Variants in LDB2 observed in about 807,000 individuals in gnomAD.
LDB2 encodes LIM domain-binding protein 2.
In LDB2, 12 loss-of-function variants were observed where a neutral mutation model predicts 44.3. The observed-to-expected ratio is 0.27, with a 90% CI of 0.17 to 0.44. The LOEUF (loss-of-function observed/expected upper bound fraction) is 0.44, where lower values mean the gene tolerates loss of function less well. LDB2 is among the 20% of genes least tolerant of loss of function. LDB2 has a pLI of 1.00. For synonymous variants in LDB2, 164 were observed against 174.8 expected (o/e 0.94, Z 0.49); for missense variants, 344 against 473.5 (o/e 0.73, Z 2.54).
chr4:16,592,465 C>CATATAT (rs71589671), intron 3 of LDB2, among the ~76,000 whole-genome samples: 28 of 116,596 alleles, frequency 2.4e-4, no homozygotes, highest in African/African-American at 9.3e-4. Context: ...ATTATACATA[C>CATATAT]ATATATATAT....
At chr4:16,564,251 C>A (rs929808839) in intron 5 of LDB2, among the ~76,000 whole-genome samples, 2 of 152,138 alleles carry the variant, frequency 1.3e-5, no homozygotes, top group African/African-American at 4.8e-5. Context: ...AGCCTCAGTC[C>A]CCAGGAGGCT....
chr4:16,895,147 A>T (rs1724596068), intron 1 of LDB2, among the ~76,000 whole-genome samples: 1 of 150,954 alleles, frequency 6.6e-6, no homozygotes, highest in Non-Finnish European at 1.5e-5. Context: ...AGAAAATCTG[A>T]ATTTTCAATT....
intron 1 of LDB2, among the ~76,000 whole-genome samples, chr4:16,795,761 A>C (rs796731159): frequency 1.3e-5 from 2 of 152,034 alleles, no homozygotes; most frequent in Non-Finnish European, 2.9e-5. Context: ...CACCACCTTA[A>C]CCTGTAGGAC....
intron 2 of LDB2, among the ~76,000 whole-genome samples, chr4:16,697,709 T>C (rs528673305): frequency 3.9e-5 from 6 of 152,316 alleles, no homozygotes; most frequent in African/African-American, 1.4e-4. Flanking sequence ...CTCTCTGCTC[T>C]ACAGGGAGGC....
intron 2 of LDB2, among the ~76,000 whole-genome samples, chr4:16,718,363 G>T (rs1757528586): frequency 6.6e-6 from 1 of 152,030 alleles, no homozygotes; most frequent in South Asian, 2.1e-4. Context: ...TGAATATGTC[G>T]AGTCTAATGC....
At chr4:16,581,498 T>A (rs1464808684) in intron 5 of LDB2, 1 of 912,152 alleles carries the variant, frequency 1.1e-6, no homozygotes, top group Non-Finnish European at 1.3e-6. Flanking sequence ...CCTACTTTTG[T>A]TGGTACCTAA....
chr4:16,528,716 CAGA>C (rs1461366331), intron 5 of LDB2, among the ~76,000 whole-genome samples: 1 of 152,134 alleles, frequency 6.6e-6, no homozygotes, highest in African/African-American at 2.4e-5. Flanking sequence ...GGTGGGAGAG[CAGA>C]AGATGTTAAG....
chr4:16,773,208 G>A (rs1017904715), intron 1 of LDB2, among the ~76,000 whole-genome samples: 20 of 152,312 alleles, frequency 1.3e-4, no homozygotes, highest in African/African-American at 4.8e-4. Flanking sequence ...GCTATAAGCC[G>A]TCAGTCCCCA....
intron 1 of LDB2, among the ~76,000 whole-genome samples, chr4:16,855,139 G>A (rs760441331): frequency 7.2e-5 from 11 of 151,944 alleles, no homozygotes; most frequent in African/African-American, 1.4e-4. Flanking sequence ...CCAGGGATAC[G>A]CATGATTAAA....
intron 2 of LDB2, among the ~76,000 whole-genome samples, chr4:16,646,523 C>T (rs1448367863): frequency 4.6e-5 from 7 of 152,194 alleles, no homozygotes; most frequent in African/African-American, 1.7e-4. Context: ...ACTGGTTCAA[C>T]ATGGCCTCTT....
At chr4:16,531,997 G>C (rs1184611028) in intron 5 of LDB2, among the ~76,000 whole-genome samples, 1 of 143,214 alleles carries the variant, frequency 7.0e-6, no homozygotes, top group Admixed American at 7.2e-5. Context: ...CTAATAAAAG[G>C]CTTTTTCTGA....
At chr4:16,666,134 G>A (rs899633997) in intron 2 of LDB2, among the ~76,000 whole-genome samples, 2 of 152,262 alleles carry the variant, frequency 1.3e-5, no homozygotes, top group Middle Eastern at 3.4e-3. Flanking sequence ...TTATAGCTGC[G>A]ACATGAAACA....
Position 16,549,494 on chromosome 4 carries a change from A to G in LDB2, c.615+36428T>C, listed in dbSNP as rs185276707. Among the ~76,000 whole-genome samples, 60 of 152,282 alleles carry G rather than the reference A, an allele frequency of 3.9e-4. No homozygotes were observed. In the East Asian group the frequency reaches 4.1e-3, roughly 10 times the overall value. ...ATCCAGGAGAACCATCTCCACTGCAATTATGCTGGTCTAAGCCCTCATCAT... is the reference window on the plus strand; with the variant it reads ...ATCCAGGAGAACCATCTCCACTGCAGTTATGCTGGTCTAAGCCCTCATCAT... On this transcript the variant is annotated intron_variant, in intron 5 of 7. Coordinates refer to ENST00000304523, the MANE Select transcript of LDB2 (RefSeq NM_001290.5).
At chr4:16,543,096 C>A (rs545870827) in intron 5 of LDB2, among the ~76,000 whole-genome samples, 1 of 152,208 alleles carries the variant, frequency 6.6e-6, no homozygotes, top group East Asian at 1.9e-4. Flanking sequence ...CTACAAAGGA[C>A]ATGAATTCAT....
chr4:16,610,522 G>C (rs1238183215), intron 2 of LDB2, among the ~76,000 whole-genome samples: 1 of 152,154 alleles, frequency 6.6e-6, no homozygotes, highest in Non-Finnish European at 1.5e-5. Context: ...GAACATAAAT[G>C]ACCTGATAGA....
intron 1 of LDB2, among the ~76,000 whole-genome samples, chr4:16,819,460 GAAA>G (rs369605183): frequency 2.1e-5 from 2 of 93,468 alleles, no homozygotes; most frequent in East Asian, 3.0e-4. Context: ...CTGCACTCAG[GAAA>G]AAAAAAAAAA....
At chr4:16,883,266 C>A (rs1720694002) in intron 1 of LDB2, among the ~76,000 whole-genome samples, 1 of 152,222 alleles carries the variant, frequency 6.6e-6, no homozygotes, top group South Asian at 2.1e-4. Context: ...CAGAAATCAG[C>A]AGTCCATCTA....
At chr4:16,801,371 A>G (rs1465612596) in intron 1 of LDB2, among the ~76,000 whole-genome samples, 1 of 152,222 alleles carries the variant, frequency 6.6e-6, no homozygotes, top group Non-Finnish European at 1.5e-5. Flanking sequence ...CACCTCCATC[A>G]GAGGGTGTGG....
chr4:16,862,941 G>GGAAAGAGCGTCCAGC (rs1284067287), intron 1 of LDB2, among the ~76,000 whole-genome samples: 1 of 152,180 alleles, frequency 6.6e-6, no homozygotes. Flanking sequence ...GACGAGGAAA[G>GGAAAGAGCGTCCAGC]GAAAGAGCGT....
Sources: gnomAD v4.1 joint callset for allele counts (sites outside exome capture counted in the v4.1 genomes callset) on GRCh38, gnomAD v4.1.1 for gene constraint, MANE v1.5 for transcripts, NCBI Gene and HGNC (gene_info 2026-07-23, HGNC 2026-07-21) for gene names.